Variants in EML2 observed in about 807,000 individuals in gnomAD.
The protein encoded by EML2 is echinoderm microtubule-associated protein-like 2.
In EML2, 59 loss-of-function variants were observed where a neutral mutation model predicts 84.7. The observed-to-expected ratio is 0.70, with a 90% confidence interval of 0.56 to 0.86. The LOEUF is 0.86. Among genes scored for constraint, EML2 ranks in the 40% least tolerant of loss-of-function variants. The pLI is 0.00. For missense variants in EML2, 818 were observed against 855.6 expected (o/e 0.96, Z 0.55); for synonymous variants, 352 against 348.9 (o/e 1.01, Z -0.10).
At chr19:45,637,675 T>G (rs866306633) in intron 3 of EML2, among the ~76,000 whole-genome samples, 1 of 81,166 alleles carries the variant, frequency 1.2e-5, no homozygotes. Flanking sequence ...TTCTTTTTTT[T>G]TTTTTTTTTT....
At chr19:45,611,848 T>C (rs562781857) in intron 18 of EML2, among the ~76,000 whole-genome samples, 1 of 151,890 alleles carries the variant, frequency 6.6e-6, no homozygotes, top group African/African-American at 2.4e-5. Flanking sequence ...AGATAACCTA[T>C]GCGTTTTCGT....
upstream of EML2, chr19:45,641,960 G>A (rs1173671977): frequency 4.2e-6 from 6 of 1,443,794 alleles, no homozygotes; most frequent in South Asian, 5.8e-5. Context: ...GGATGGGGAC[G>A]TGGCATAGCC....
intron 4 of EML2, 123 bp from the exon 5 acceptor site, chr19:45,633,262 T>G: frequency 2.1e-6 from 2 of 940,004 alleles, no homozygotes; most frequent in Non-Finnish European, 3.3e-6. Context: ...ATTTAGTGCA[T>G]TAATAGCAGT....
Position 45,632,875 on chromosome 19 carries a change from C to G in EML2, c.496G>C (p.Gly166Arg). The G allele has an allele frequency of 6.2e-7, 1 of 1,614,004 alleles. No individual in the cohort carries two copies. ...GVFDRAVCCV[G>R]FSKSNGGNLL... ...GAAGGACTTACAGATTTGGAGAAGC[C>G]CACACAGCACACGGCTCTGTCAAAC... The change falls in exon 6 of 19, where the codon GGC (glycine) becomes CGC (arginine). Residue 166 changes from glycine (G) to arginine (R), a missense_variant. Gly to Arg is a moderately radical substitution (Grantham distance 125, BLOSUM62 -2). Transcript: ENST00000245925.
At position 45,632,894 on chromosome 19, in the gene EML2, G is replaced by A. The variant is rs761054074; in HGVS notation, c.477C>T (p.Asp159=). The change falls in exon 6 of 19, where the codon GAC becomes GAT. Residue 159 remains aspartate, a synonymous_variant. Transcript: ENST00000245925. ...TLHVLGLGVF[D]RAVCCVGFSK... ...AGAAGCCCACACAGCACACGGCTCT[G>A]TCAAACACCCCCAAGCCCAGCACGT... 6.2e-7 allele frequency: 1 copy of A among 1,614,170 alleles called. No individual in the cohort carries two copies. Among genetic ancestry groups the A allele is most frequent in the Admixed American group, 1.7e-5 (1 of 60,018 alleles).
chr19:45,621,223 A>G lies in EML2; in HGVS notation c.1106T>C (p.Phe369Ser), dbSNP rs1473302930. The G allele has an allele frequency of 1.2e-6, 2 of 1,613,826 alleles. No individual in the cohort carries two copies. The highest frequency in any genetic ancestry group is 1.7e-6 in the Non-Finnish European group (2 of 1,179,988). Residue 369 changes from phenylalanine to serine, a missense_variant, in exon 11 of 19, where the codon TTC becomes TCC. Transcript: ENST00000245925. ...SILQGSVHTG[F>S]SLLVQGHVEE... ...GAGGCGCACCTGGACCAGCAGTGAGAAGCCTGTGTGCACGGAGCCCTGCAG... is the reference window on the plus strand; with the variant it reads ...GAGGCGCACCTGGACCAGCAGTGAGGAGCCTGTGTGCACGGAGCCCTGCAG...
chr19:45,629,144 T>G (rs984796963), intron 7 of EML2, among the ~76,000 whole-genome samples: 1 of 152,106 alleles, frequency 6.6e-6, no homozygotes, highest in Admixed American at 6.6e-5. Flanking sequence ...CTATTTATTT[T>G]TTTGAGGCAG....
chr19:45,618,715 G>A (rs570189851), intron 12 of EML2: 20 of 156,358 alleles, frequency 1.3e-4, no homozygotes, highest in African/African-American at 3.4e-4. Flanking sequence ...TTGAGAGGCC[G>A]AGGCGGGCGG....
chr19:45,616,639 C>A, intron 14 of EML2, 81 bp from the exon 15 acceptor site: 1 of 1,400,570 alleles, frequency 7.1e-7, no homozygotes, highest in East Asian at 2.3e-5. Context: ...CTCAACAGTC[C>A]CCAGCTCCAT....
chr19:45,613,778 T>C, intron 17 of EML2, 107 bp from the exon 18 acceptor site: 1 of 1,383,510 alleles, frequency 7.2e-7, no homozygotes, highest in Non-Finnish European at 9.9e-7. Flanking sequence ...ACCTAGCCTG[T>C]ATCTATCCGA....
At chr19:45,640,419 G>GTTTTTTTTTTTTTTTTTTGT (rs55686927), upstream of EML2, 1 of 144,922 alleles carries the variant, frequency 6.9e-6, no homozygotes, top group African/African-American at 2.5e-5. Context: ...TTTGTTTTTT[G>GTTTTTTTTTTTTTTTTTTGT]TTTTTTGTTT....
At chr19:45,630,073 C>CA (rs766786799) in intron 6 of EML2, 27 bp from the exon 7 acceptor site, 24 of 1,573,126 alleles carry the variant, frequency 1.5e-5, no homozygotes, top group Non-Finnish European at 2.1e-5. Flanking sequence ...AGGAGGGGGA[C>CA]AGAGGCAAGG....
At chr19:45,612,359 C>T (rs905678367) in intron 18 of EML2, among the ~76,000 whole-genome samples, 7 of 152,272 alleles carry the variant, frequency 4.6e-5, no homozygotes, top group African/African-American at 1.2e-4. Context: ...CCACCGCACC[C>T]GGCCACATAT....
Position 45,616,543 on chromosome 19 carries a change from G to T in EML2, c.1427C>A (p.Ala476Asp), listed in dbSNP as rs752102640. 5 of 1,610,586 alleles carry T rather than the reference G, an allele frequency of 3.1e-6. No individual in the cohort carries two copies. Among genetic ancestry groups the T allele is most frequent in the Non-Finnish European group, 4.2e-6 (5 of 1,177,750 alleles). ...VSFSPDGAYL[A>D]VGSHDNLVYV... is the part of the protein sequence containing the mutation. The stretch of plus-strand genomic sequence containing the variant: ...CACCAAGTTGTCGTGGGAGCCCACG[G>T]CCAGGTACGCCCCGTCTGGGGGAGG... The change falls in exon 15 of 19, where the codon GCC (alanine) becomes GAC (aspartate). Residue 476 changes from alanine (A) to aspartate (D), a missense_variant. Transcript: ENST00000245925.
At chr19:45,638,237 T>A (rs1319869155) in intron 3 of EML2, among the ~76,000 whole-genome samples, 1 of 152,238 alleles carries the variant, frequency 6.6e-6, no homozygotes, top group Non-Finnish European at 1.5e-5. Flanking sequence ...CGGGCTGGAC[T>A]GGGGTTTGAA....
chr19:45,621,965 ACTC>A (rs1462327376), intron 9 of EML2, among the ~76,000 whole-genome samples: 1 of 148,336 alleles, frequency 6.7e-6, no homozygotes, highest in Non-Finnish European at 1.5e-5. Context: ...CTGGTCTCGA[ACTC>A]CTGACCTCAA....
At chr19:45,612,584 G>A (rs12463380) in intron 18 of EML2, among the ~76,000 whole-genome samples, 44,437 of 151,976 alleles carry the variant, frequency 0.29, 7,498 homozygotes, top group East Asian at 0.39. Context: ...TGAGGTGGGC[G>A]GACCGCTTGA....
intron 8 of EML2, among the ~76,000 whole-genome samples, chr19:45,625,302 G>A (rs530676709): frequency 6.0e-5 from 9 of 150,218 alleles, no homozygotes; most frequent in Non-Finnish European, 1.3e-4. Context: ...GTGCAGTGGC[G>A]TGATCTCGGC....
At chr19:45,637,674 T>C (rs1434361228) in intron 3 of EML2, among the ~76,000 whole-genome samples, 112 of 95,512 alleles carry the variant, frequency 1.2e-3, no homozygotes, top group African/African-American at 3.3e-3. Flanking sequence ...TTTCTTTTTT[T>C]TTTTTTTTTT....
Sources: allele counts gnomAD v4.1 joint callset (sites outside exome capture counted in the v4.1 genomes callset), GRCh38; gene constraint gnomAD v4.1.1; transcripts MANE v1.5; gene names NCBI Gene and HGNC (gene_info 2026-07-23, HGNC 2026-07-21).